LRMDA: variants seen among roughly 807,000 people sequenced by gnomAD.
The protein encoded by LRMDA is leucine-rich melanocyte differentiation-associated protein.
In LRMDA, 18 loss-of-function variants were observed where a neutral mutation model predicts 29.8. The observed-to-expected ratio is 0.60, with a 90% CI of 0.42 to 0.90. LRMDA has a LOEUF of 0.90. Among genes scored for constraint, LRMDA ranks in the 40% least tolerant of loss-of-function variants. LRMDA has a pLI of 0.00. For synonymous variants in LRMDA, 125 were observed against 109.4 expected (o/e 1.14, Z -0.89); for missense variants, 273 against 273.9 (o/e 1.00, Z 0.02).
chr10:75,450,159 C>G (rs1050234448), intron 2 of LRMDA: 1 of 152,208 alleles, frequency 6.6e-6, no homozygotes, highest in Non-Finnish European at 1.5e-5. Flanking sequence ...TCTTCCATCC[C>G]AGCTGCTTTC....
At chr10:76,289,170 T>C (rs1840308554) in intron 5 of LRMDA, among the ~76,000 whole-genome samples, 1 of 152,174 alleles carries the variant, frequency 6.6e-6, no homozygotes, top group South Asian at 2.1e-4. Flanking sequence ...ACTTGGCCTG[T>C]GTGGTGCTGA....
intron 5 of LRMDA, among the ~76,000 whole-genome samples, chr10:76,156,575 A>G (rs1850541937): frequency 6.6e-6 from 1 of 150,892 alleles, no homozygotes; most frequent in Non-Finnish European, 1.5e-5. Context: ...AAAAAAAAAT[A>G]TGGGCTTAAC....
At chr10:75,443,843 ATTAT>A (rs1174776148) in intron 2 of LRMDA, among the ~76,000 whole-genome samples, 1 of 152,042 alleles carries the variant, frequency 6.6e-6, no homozygotes, top group Non-Finnish European at 1.5e-5. Context: ...GAGATTTTTG[ATTAT>A]TTATTTAATC....
At position 76,558,485 on chromosome 10, in the gene LRMDA, T is replaced by TATC. The variant is rs1052693777; in HGVS notation, c.*1198_*1200dup. Reference sequence around the variant, plus strand: ...ATTGCTAGTTGGGTGACTCAAAGTTTATCTAACTTGCTGGTGCACCAGTCA... The same window carrying TATC: ...ATTGCTAGTTGGGTGACTCAAAGTTTATCATCTAACTTGCTGGTGCACCAGTCA... On this transcript the variant is annotated 3_prime_UTR_variant, in exon 7 of 7. Transcript: ENST00000611255. The TATC allele has an allele frequency of 8.5e-5, 13 of 152,314 alleles. No individual in the cohort carries two copies. The highest frequency in any genetic ancestry group is 7.8e-4 in the Admixed American group (12 of 15,304). The allele number at this position is 152,314 out of a possible 1,614,324, so 9.4% of individuals were successfully genotyped here. A position where few individuals can be genotyped will look rare whatever the true frequency, so the allele number is the denominator to read the frequency against.
intron 2 of LRMDA, among the ~76,000 whole-genome samples, chr10:75,439,942 G>C (rs1844309206): frequency 6.6e-6 from 1 of 152,018 alleles, no homozygotes; most frequent in South Asian, 2.1e-4. Flanking sequence ...GCCCCCAGGG[G>C]CTCAGGGCAC....
rs188965940 is a variant in LRMDA, at chr10:76,375,004, G to A, written c.601+50519G>A. ...CTAGATTTAGCTCATCTATCTGCAT[G>A]TGTGGCAGGCAGTGCAAATGTAAAT... On this transcript the variant is annotated intron_variant, in intron 6 of 6. Coordinates refer to ENST00000611255, the MANE Select transcript of LRMDA (RefSeq NM_001305581.2). Among the ~76,000 whole-genome samples the A allele has an allele frequency of 5.3e-5, 8 of 152,300 alleles. No homozygotes were observed. The East Asian group carries it at 1.5e-3, about 29-fold the overall frequency.
At position 76,559,589 on chromosome 10, in the gene LRMDA, A is replaced by ACTT. The variant is rs1453823775; in HGVS notation, c.*2302_*2304dup. 1 of 152,220 alleles carries ACTT rather than the reference A, an allele frequency of 6.6e-6. No individual in the cohort carries two copies. The highest frequency in any genetic ancestry group is 1.5e-5 in the Non-Finnish European group (1 of 68,050). The allele number at this position is 152,220 out of a possible 1,614,324, so 9.4% of individuals were successfully genotyped here. The stretch of plus-strand genomic sequence containing the variant: ...CCAAAATTTGCTGTGCTAGAGCTAG[A>ACTT]CTTTGGTCTGAATTGGCAGAGGTAG... On this transcript the variant is annotated 3_prime_UTR_variant, in exon 7 of 7. Transcript: ENST00000611255.
intron 2 of LRMDA, among the ~76,000 whole-genome samples, chr10:75,680,954 G>C (rs1392517594): frequency 6.6e-6 from 1 of 152,202 alleles, no homozygotes; most frequent in African/African-American, 2.4e-5. Flanking sequence ...GGCACCGAGA[G>C]AATTATTTTG....
At chr10:76,175,771 C>T (rs749093061) in intron 5 of LRMDA, among the ~76,000 whole-genome samples, 2 of 152,180 alleles carry the variant, frequency 1.3e-5, no homozygotes, top group Non-Finnish European at 2.9e-5. Context: ...CAATCTATCT[C>T]GGAGACAGGA....
At chr10:76,296,764 T>C (rs924458175) in intron 5 of LRMDA, among the ~76,000 whole-genome samples, 1 of 152,244 alleles carries the variant, frequency 6.6e-6, no homozygotes, top group Non-Finnish European at 1.5e-5. Context: ...TTAAAGATTA[T>C]TTTGGTTCAA....
intron 5 of LRMDA, among the ~76,000 whole-genome samples, chr10:76,296,826 G>T (rs1589416057): frequency 6.6e-6 from 1 of 152,162 alleles, no homozygotes; most frequent in South Asian, 2.1e-4. Context: ...TAATTCATTT[G>T]CATGAACATA....
At chr10:75,504,818 T>A (rs1286144431) in intron 2 of LRMDA, among the ~76,000 whole-genome samples, 1 of 152,150 alleles carries the variant, frequency 6.6e-6, no homozygotes, top group Non-Finnish European at 1.5e-5. Context: ...ATTTTTACTG[T>A]TACCCTAAGA....
intron 6 of LRMDA, among the ~76,000 whole-genome samples, chr10:76,388,424 T>G (rs1841685793): frequency 6.6e-6 from 1 of 152,216 alleles, no homozygotes; most frequent in African/African-American, 2.4e-5. Flanking sequence ...GGGAATGATC[T>G]GAAGACTCAT....
At chr10:76,145,368 G>A (rs530214563) in intron 5 of LRMDA, among the ~76,000 whole-genome samples, 63 of 152,206 alleles carry the variant, frequency 4.1e-4, no homozygotes, top group Non-Finnish European at 3.1e-4. Flanking sequence ...CAATTTCAGA[G>A]CCTGTTTTTG....
intron 2 of LRMDA, among the ~76,000 whole-genome samples, chr10:75,515,045 C>T (rs1270370893): frequency 4.6e-5 from 7 of 151,914 alleles, no homozygotes; most frequent in Non-Finnish European, 1.5e-5. Flanking sequence ...TATTATTCAG[C>T]CATAGAAAAG....
At chr10:75,436,969 T>C (rs1163246180) in intron 1 of LRMDA, among the ~76,000 whole-genome samples, 1 of 152,232 alleles carries the variant, frequency 6.6e-6, no homozygotes, top group Non-Finnish European at 1.5e-5. Context: ...CTTAGAGTCC[T>C]TTATTTTTTA....
rs1054986608 is a variant in LRMDA, at chr10:75,579,906, T to C, written c.131+141412T>C. On this transcript the variant is annotated intron_variant, in intron 2 of 6. Transcript: ENST00000611255. ...CTGAAAACTCTCAATAAACCAGATA[T>C]TGATGGAACGTATCTCAAAATAATA... is the stretch of plus-strand genomic sequence containing the variant. Among the ~76,000 whole-genome samples the C allele has an allele frequency of 2.0e-5, 3 of 152,178 alleles. No individual in the cohort carries two copies. In the East Asian group the frequency reaches 5.8e-4, roughly 29 times the overall value.
intron 2 of LRMDA, among the ~76,000 whole-genome samples, chr10:75,584,717 T>C (rs1840637225): frequency 6.6e-6 from 1 of 152,148 alleles, no homozygotes; most frequent in African/African-American, 2.4e-5. Context: ...TTTTGTCTCC[T>C]TTTGGGTGCT....
At chr10:75,697,834 A>AGAGTGTGTGTGTGTGTGTGT (rs1554821082) in intron 2 of LRMDA, among the ~76,000 whole-genome samples, 1 of 132,052 alleles carries the variant, frequency 7.6e-6, no homozygotes, top group Non-Finnish European at 1.6e-5. Context: ...TGCATGTAAG[A>AGAGTGTGTGTGTGTGTGTGT]GTGTGTGTGT....
Sources: gnomAD v4.1 joint callset for allele counts (sites outside exome capture counted in the v4.1 genomes callset) on GRCh38, gnomAD v4.1.1 for gene constraint, MANE v1.5 for transcripts, NCBI Gene and HGNC (gene_info 2026-07-23, HGNC 2026-07-21) for gene names.